SCN4A: variants seen among roughly 807,000 people sequenced by gnomAD.
The protein encoded by SCN4A is sodium channel protein type 4 subunit alpha.
SCN4A carries 83 observed loss-of-function variants against 162.0 expected under a neutral mutation model. The ratio of observed to expected loss-of-function variants is 0.51; its 90% CI spans 0.43 to 0.61. SCN4A has a LOEUF of 0.61. SCN4A is among the 20% of genes least tolerant of loss of function. The pLI is 0.00. For missense variants in SCN4A, 2,196 were observed against 2,462.5 expected, an observed-to-expected ratio of 0.89 and a Z score of 2.29; for synonymous variants, 944 against 985.1, an observed-to-expected ratio of 0.96 and a Z score of 0.78.
chr17:63,951,600 T>C lies in SCN4A; in HGVS notation c.2677A>G (p.Ile893Val), dbSNP rs753552957. The change falls in exon 14 of 24, where the codon ATC becomes GTC. Residue 893 changes from isoleucine (I) to valine (V), a missense_variant. Coordinates refer to ENST00000435607, the MANE Select transcript of SCN4A (RefSeq NM_000334.4). This position sits in a 1 kb window ranked among gnomAD's most constrained non-coding sequence, Gnocchi z 4.5. ...TCAGCCAGGCCCATGTGGTTCAGGA[T>C]GTGATTGTCCTTCTTCAGGTCCTCC... ...PEEDLKKDNH[I>V]LNHMGLADGP... 2 of 1,613,896 alleles carry C rather than the reference T, an allele frequency of 1.2e-6. No individual in the cohort carries two copies. Among genetic ancestry groups the C allele is most frequent in the South Asian group, 2.2e-5 (2 of 91,078 alleles).
Position 63,968,248 on chromosome 17 carries a change from G to A in SCN4A, c.811C>T (p.Leu271Phe). 1 of 1,614,146 alleles carries A rather than the reference G, an allele frequency of 6.2e-7. No individual in the cohort carries two copies. The highest frequency in any genetic ancestry group is 8.5e-7 in the Non-Finnish European group (1 of 1,179,994). The change falls in exon 6 of 24, where the codon CTC (leucine) becomes TTC (phenylalanine). Residue 271 changes from leucine (L) to phenylalanine (F), a missense_variant. Leu to Phe is a conservative substitution (Grantham distance 22). Transcript: ENST00000435607. ...LSVFALVGLQ[L>F]FMGNLRQKCV... is the part of the protein sequence containing the mutation. ...TTCTGCCTCAGGTTTCCCATGAAGA[G>A]CTGCAGTCCTACCAGCGCAAAGACG...
rs575223985 is a variant in SCN4A at position 63,949,837 on chromosome 17, G to A, written c.2854-309C>T. 95 of 240,914 alleles carry A rather than the reference G, an allele frequency of 3.9e-4. 1 individual carries two copies. The highest frequency in any genetic ancestry group is 2.0e-3 in the African/African-American group (91 of 44,430). 14.9% of individuals were successfully genotyped at this position (240,914 alleles called of 1,614,324 possible). A position where few individuals can be genotyped will look rare whatever the true frequency, so the allele number is the denominator to read the frequency against. On this transcript the variant is annotated intron_variant, in intron 14 of 23. Transcript: ENST00000435607. ...AGGAGGCGGGGACCCCGGCCCGAGT[G>A]GGGGGTCTGGGAGGCATGGGGGGCC...
chr17:63,939,939 G>A lies in SCN4A; in HGVS notation c.*832C>T, dbSNP rs1908466297. ...AGGTCCCTGACTCCCGCTCAGGTCT[G>A]GATGCTCAGGCCATGTGCAGCGATC... On this transcript the variant is annotated 3_prime_UTR_variant, in exon 24 of 24. Coordinates refer to ENST00000435607, the MANE Select transcript of SCN4A (RefSeq NM_000334.4). The A allele has an allele frequency of 6.6e-6, 1 of 152,204 alleles. No individual in the cohort carries two copies. The highest frequency in any genetic ancestry group is 1.5e-5 in the Non-Finnish European group (1 of 68,044). The allele number at this position is 152,204 out of a possible 1,614,324, so 9.4% of individuals were successfully genotyped here.
chr17:63,959,193 C>T, intron 12 of SCN4A, 72 bp downstream of exon 12: 1 of 1,414,510 alleles, frequency 7.1e-7, no homozygotes, highest in Non-Finnish European at 9.7e-7. Flanking sequence ...CTCCTCCCAT[C>T]CCTGTGCCCA....
At chr17:63,965,645 T>C (rs1010315333) in intron 8 of SCN4A, among the ~76,000 whole-genome samples, 5 of 152,050 alleles carry the variant, frequency 3.3e-5, no homozygotes, top group Admixed American at 6.5e-5. Context: ...CGTGCCACCA[T>C]ACCCGGCTAA....
At position 63,966,288 on chromosome 17, in the gene SCN4A, C is replaced by A. The variant is rs536652331; in HGVS notation, c.1101-45G>T. 11 of 1,580,616 alleles carry A rather than the reference C, an allele frequency of 7.0e-6. No homozygotes were observed. The African/African-American group carries it at 9.4e-5, about 14-fold the overall frequency. On this transcript the variant is annotated intron_variant, in intron 7 of 23. Coordinates refer to ENST00000435607, the MANE Select transcript of SCN4A (RefSeq NM_000334.4). ...CTGGGTTTAGGGTGGGAGGAGCACTCCAGCTGGGGGCAGATAGGGACCCCA... is the reference window on the plus strand; with the variant it reads ...CTGGGTTTAGGGTGGGAGGAGCACTACAGCTGGGGGCAGATAGGGACCCCA...
rs748434431 is a variant in SCN4A, at chr17:63,940,988, G to A, written c.5294C>T (p.Ala1765Val). Residue 1765 changes from alanine to valine, a missense_variant, in exon 24 of 24, where the codon GCC becomes GTC. By Grantham distance (64) the Ala-to-Val change is moderately conservative. Coordinates refer to ENST00000435607, the MANE Select transcript of SCN4A (RefSeq NM_000334.4). Reference sequence around the variant, plus strand: ...GGCAAGCAGCCCCTCCTTCTCAGGGGCGTCATCCCCGCTGCCGTCGTGGCT... The same window carrying A: ...GGCAAGCAGCCCCTCCTTCTCAGGGACGTCATCCCCGCTGCCGTCGTGGCT... Reference protein sequence around the residue: ...RHSHDGSGDDAPEKEGLLANT... With the variant: ...RHSHDGSGDDVPEKEGLLANT... 6.2e-7 allele frequency: 1 copy of A among 1,613,222 alleles called. No homozygotes were observed. Among genetic ancestry groups the A allele is most frequent in the Non-Finnish European group, 8.5e-7 (1 of 1,179,210 alleles).
intron 13 of SCN4A, 39 bp downstream of exon 13, chr17:63,957,123 C>T (rs757537160): frequency 7.2e-7 from 1 of 1,382,568 alleles, no homozygotes. Flanking sequence ...TGTACGCTTC[C>T]CGGGTGAGGG....
chr17:63,940,523 T>C lies in SCN4A; in HGVS notation c.*248A>G. The C allele has an allele frequency of 2.1e-6, 1 of 465,260 alleles. No individual in the cohort carries two copies. 28.8% of individuals were successfully genotyped at this position (465,260 alleles called of 1,614,324 possible). A position where few individuals can be genotyped will look rare whatever the true frequency, so the allele number is the denominator to read the frequency against. ...AGAGGAGGTCAGAGCAACTTGCAGG[T>C]TAAATCTTGGAGGCAGGGGCCTCAG... On this transcript the variant is annotated 3_prime_UTR_variant, in exon 24 of 24. Coordinates refer to ENST00000435607, the MANE Select transcript of SCN4A (RefSeq NM_000334.4).
chr17:63,968,214 C>T lies in SCN4A; in HGVS notation c.845G>A (p.Arg282His), dbSNP rs200615763. The T allele has an allele frequency of 7.0e-5, 113 of 1,614,002 alleles. No homozygotes were observed. Among genetic ancestry groups the T allele is most frequent in the African/African-American group, 6.7e-4 (50 of 75,028 alleles). Residue 282 changes from arginine to histidine, a missense_variant, in exon 6 of 24, where the codon CGC becomes CAC. By Grantham distance (29) the Arg-to-His change is conservative. Coordinates refer to ENST00000435607, the MANE Select transcript of SCN4A (RefSeq NM_000334.4). Reference protein sequence around the residue: ...FMGNLRQKCVRWPPPFNDTNT... With the variant: ...FMGNLRQKCVHWPPPFNDTNT... ...GGTGTCGTTGAACGGCGGGGGCCAG[C>T]GCACACACTTCTGCCTCAGGTTTCC...
intron 13 of SCN4A, among the ~76,000 whole-genome samples, chr17:63,956,134 T>C (rs1242769329): frequency 2.0e-5 from 3 of 152,258 alleles, no homozygotes; most frequent in Non-Finnish European, 4.4e-5. Flanking sequence ...TCTCACCTCC[T>C]GGCCCCTTCC....
chr17:63,961,350 G>T lies in SCN4A; in HGVS notation c.1688C>A (p.Pro563Gln), dbSNP rs371523329. The T allele has an allele frequency of 6.2e-7, 1 of 1,613,702 alleles. No individual in the cohort carries two copies. The highest frequency in any genetic ancestry group is 8.5e-7 in the Non-Finnish European group (1 of 1,179,824). Residue 563 changes from proline (P) to glutamine (Q), a missense_variant, in exon 11 of 24, where the codon CCG (proline) becomes CAG (glutamine). Pro to Gln is a moderately conservative substitution (Grantham distance 76). Transcript: ENST00000435607. ...HKVLIWNCCAPWLKFKNIIHL... is the reference protein window; with the variant it reads ...HKVLIWNCCAQWLKFKNIIHL... ...GATGATGTTCTTGAACTTCAGCCAC[G>T]GGGCGCAGCAGTTCCATATGAGCAC...
intron 16 of SCN4A, among the ~76,000 whole-genome samples, 159 bp from the exon 17 acceptor site, chr17:63,948,222 C>G (rs1353827873): frequency 2.0e-5 from 3 of 152,156 alleles, no homozygotes; most frequent in Admixed American, 6.5e-5. Flanking sequence ...CACCACCCAT[C>G]ATGGGGATGA....
intron 15 of SCN4A, 76 bp from the exon 16 acceptor site, chr17:63,948,841 C>T: frequency 7.4e-7 from 1 of 1,358,694 alleles, no homozygotes; most frequent in South Asian, 1.5e-5. Context: ...CAGTCAGCGC[C>T]CTCCCATGGC....
chr17:63,948,754 G>A lies in SCN4A; in HGVS notation c.3001C>T (p.Arg1001Cys), dbSNP rs199713025. 8.4e-5 allele frequency: 135 copies of A among 1,607,896 alleles called. No individual in the cohort carries two copies. The African/African-American group carries it at 1.3e-3, about 16-fold the overall frequency. ...ATGTCCACGTAGAGGCAGGGCCAGC[G>A]CTGCACGCAGGCTGATGGGGTGAGG... ...EECFTEACVQ[R>C]WPCLYVDISQ... The change falls in exon 16 of 24, where the codon CGC becomes TGC. Residue 1001 changes from arginine (R) to cysteine (C), a missense_variant. By Grantham distance (180) the Arg-to-Cys change is radical. Coordinates refer to ENST00000435607, the MANE Select transcript of SCN4A (RefSeq NM_000334.4).
rs531266747 is a variant in SCN4A, at chr17:63,972,869, A to G, written c.-28T>C. The G allele has an allele frequency of 5.8e-5, 92 of 1,584,522 alleles. No homozygotes were observed. In the African/African-American group the frequency reaches 1.1e-3, roughly 18 times the overall value. On this transcript the variant is annotated 5_prime_UTR_variant, in exon 1 of 24. Coordinates refer to ENST00000435607, the MANE Select transcript of SCN4A (RefSeq NM_000334.4). The surrounding 1 kb of genome is among the most constrained non-coding windows in gnomAD (Gnocchi z 4.3). Reference sequence around the variant, plus strand: ...TCGCATCCTGGGCTCAGAGACCAGAAGGGTGGTGGGTGGCCTGGGGAGCTG... The same window carrying G: ...TCGCATCCTGGGCTCAGAGACCAGAGGGGTGGTGGGTGGCCTGGGGAGCTG...
rs1908458024 is a variant in SCN4A at position 63,939,699 on chromosome 17, G to C, written c.*1072C>G. The C allele has an allele frequency of 6.6e-6, 1 of 152,260 alleles. No individual in the cohort carries two copies. 9.4% of individuals were successfully genotyped at this position (152,260 alleles called of 1,614,324 possible). ...CTGAACCAGTTGGGCCTTCCCTGCT[G>C]CACGCCCCAGGGTCGAAATATCTAA... On this transcript the variant is annotated 3_prime_UTR_variant, in exon 24 of 24. Transcript: ENST00000435607.
In SCN4A at chr17:63,940,834, G is replaced by C. The variant is rs754357879; in HGVS notation, c.5448C>G (p.Ala1816=). The C allele has an allele frequency of 3.7e-6, 6 of 1,609,242 alleles. No individual in the cohort carries two copies. The East Asian group carries it at 1.3e-4, about 36-fold the overall frequency. ...GCCCTGGGGGAGGGGCGGGAGGCCA[G>C]GCAGTGTCTGAGGGGCTGATGGGCA... The part of the protein sequence containing the change: ...GLMPISPSDT[A]WPPAPPPGQT... The change falls in exon 24 of 24, where the codon GCC becomes GCG. Residue 1816 remains alanine, a synonymous_variant. Coordinates refer to ENST00000435607, the MANE Select transcript of SCN4A (RefSeq NM_000334.4).
chr17:63,943,174 A>T, intron 22 of SCN4A, 78 bp from the exon 23 acceptor site: 1 of 1,448,316 alleles, frequency 6.9e-7, no homozygotes, highest in South Asian at 1.3e-5. Flanking sequence ...CAGGAGGCAC[A>T]GGATGGCACC....
Sources: gnomAD v4.1 joint callset for allele counts (sites outside exome capture counted in the v4.1 genomes callset) on GRCh38, gnomAD v4.1.1 for gene constraint, Gnocchi (gnomAD v3.1) non-coding constraint, MANE v1.5 for transcripts, NCBI Gene and HGNC (gene_info 2026-07-23, HGNC 2026-07-21) for gene names.